Variants in NTN4 observed in about 807,000 individuals in gnomAD.
The protein encoded by NTN4 is netrin 4.
A neutral mutation model predicts 73.6 loss-of-function variants in NTN4; 32 were observed. The observed-to-expected ratio is 0.44, with a 90% CI of 0.33 to 0.58. NTN4 has a LOEUF of 0.58. NTN4 is among the 20% of genes least tolerant of loss of function. NTN4 has a pLI of 0.04. For missense variants in NTN4, 654 were observed against 798.3 expected, an observed-to-expected ratio of 0.82 and a Z score of 2.18; for synonymous variants, 258 against 287.5, an observed-to-expected ratio of 0.90 and a Z score of 1.04.
At chr12:95,684,315 T>G (rs955568711) in intron 5 of NTN4, among the ~76,000 whole-genome samples, 2 of 151,986 alleles carry the variant, frequency 1.3e-5, no homozygotes, top group African/African-American at 4.8e-5. Context: ...GCTTTTTTTT[T>G]TGAGAGAGGG....
At chr12:95,748,398 G>A (rs1250170010) in intron 2 of NTN4, among the ~76,000 whole-genome samples, 1 of 151,428 alleles carries the variant, frequency 6.6e-6, no homozygotes. Flanking sequence ...AACATTTAGG[G>A]AGAAATCCCT....
chr12:95,790,313 C>G lies in NTN4; in HGVS notation c.-4G>C, dbSNP rs777330830. On this transcript the variant is annotated 5_prime_UTR_variant, in exon 1 of 10. Transcript: ENST00000343702. The surrounding 1 kb of genome is among the most constrained non-coding windows in gnomAD (Gnocchi z 6.5). ...GCAGCCGCGCGCAGCTCCCCATGGC[C>G]GGGAGGAGCCGGGAGCAGCCGGGCC... 1 of 1,527,496 alleles carries G rather than the reference C, an allele frequency of 6.5e-7. No individual in the cohort carries two copies. The highest frequency in any genetic ancestry group is 2.2e-4 in the Middle Eastern group (1 of 4,570). 94.6% of individuals were successfully genotyped at this position (1,527,496 alleles called of 1,614,324 possible).
chr12:95,737,885 G>A lies in NTN4; in HGVS notation c.845C>T (p.Ala282Val). The A allele has an allele frequency of 1.9e-6, 3 of 1,612,910 alleles. No individual in the cohort carries two copies. The highest frequency in any genetic ancestry group is 2.7e-5 in the African/African-American group (2 of 75,024). The change falls in exon 3 of 10, where the codon GCC becomes GTC. Residue 282 changes from alanine to valine, a missense_variant. Physicochemically the swap from Ala to Val is moderately conservative, Grantham distance 64 (BLOSUM62 0). Transcript: ENST00000343702. ...IPVHGFRPVKAPGTFHMVHGK... is the reference protein window; with the variant it reads ...IPVHGFRPVKVPGTFHMVHGK... ...ACCTACCATGTGGAATGTTCCTGGG[G>A]CCTTGACAGGTCTGAAGCCATGAAC...
chr12:95,697,739 G>A (rs1198998952), intron 5 of NTN4, among the ~76,000 whole-genome samples: 2 of 151,114 alleles, frequency 1.3e-5, no homozygotes, highest in African/African-American at 4.9e-5. Flanking sequence ...CATTAACTGG[G>A]TCACGGTGTG....
At chr12:95,723,332 C>T (rs184390642) in intron 3 of NTN4, among the ~76,000 whole-genome samples, 5 of 152,008 alleles carry the variant, frequency 3.3e-5, no homozygotes, top group Admixed American at 3.3e-4. Flanking sequence ...GCAGCACACC[C>T]TCGCTAGGTT....
In NTN4 at chr12:95,665,881, A is replaced by C; in HGVS notation, c.1679T>G (p.Phe560Cys). 6.2e-7 allele frequency: 1 copy of C among 1,614,022 alleles called. No homozygotes were observed. The highest frequency in any genetic ancestry group is 8.5e-7 in the Non-Finnish European group (1 of 1,179,910). The change falls in exon 9 of 10, where the codon TTC becomes TGC. Residue 560 changes from phenylalanine to cysteine, a missense_variant. Coordinates refer to ENST00000343702, the MANE Select transcript of NTN4 (RefSeq NM_021229.4). ...TGGATATAATGTTCGCTTTCCTCGG[A>C]AAATCTTCAGTTTGGTAGATTTTAA... ...KVLKSTKLKI[F>C]RGKRTLYPES... is the part of the protein sequence containing the mutation.
chr12:95,732,621 A>C (rs12579021), intron 3 of NTN4, among the ~76,000 whole-genome samples: 3,490 of 151,528 alleles, frequency 0.023, 50 homozygotes, highest in Middle Eastern at 0.041. Flanking sequence ...CGGGCAGATC[A>C]CTCCTGACTT....
intron 5 of NTN4, among the ~76,000 whole-genome samples, chr12:95,707,210 G>A (rs954347349): frequency 6.6e-6 from 1 of 152,144 alleles, no homozygotes; most frequent in African/African-American, 2.4e-5. Flanking sequence ...TGAGCTTACA[G>A]TGGCTCATCA....
At chr12:95,674,824 ACT>A (rs773550957) in intron 7 of NTN4, among the ~76,000 whole-genome samples, 4 of 152,076 alleles carry the variant, frequency 2.6e-5, no homozygotes, top group Non-Finnish European at 4.4e-5. Context: ...AATTTCAGAG[ACT>A]CTCTGGGGAC....
intron 2 of NTN4, among the ~76,000 whole-genome samples, chr12:95,778,682 CA>C (rs951323486): frequency 1.3e-5 from 2 of 151,930 alleles, no homozygotes; most frequent in African/African-American, 4.8e-5. Context: ...GCTTACCAAC[CA>C]AAAAAAGTCC....
At chr12:95,695,211 CTCCTGAGTTTTTGTACA>C (rs1297712897) in intron 5 of NTN4, among the ~76,000 whole-genome samples, 1 of 151,918 alleles carries the variant, frequency 6.6e-6, no homozygotes, top group African/African-American at 2.4e-5. Flanking sequence ...AGTTCAGTGT[CTCCTGAGTTTTTGTACA>C]TCCTACCCAA....
rs564647161 is a variant in NTN4 at position 95,672,664 on chromosome 12, T to A, written c.1511-2518A>T. 65 of 1,485,100 alleles carry A rather than the reference T, an allele frequency of 4.4e-5. No individual in the cohort carries two copies. In the South Asian group the frequency reaches 6.7e-4, roughly 15 times the overall value. The allele number at this position is 1,485,100 out of a possible 1,614,324, so 92.0% of individuals were successfully genotyped here. A position where few individuals can be genotyped will look rare whatever the true frequency, so the allele number is the denominator to read the frequency against. On this transcript the variant is annotated intron_variant, in intron 7 of 9. Transcript: ENST00000343702. ...TGAAGATCTGGAGGTGCTCCTATGA[T>A]GTCCCACCACCCTGCTGGAGCCTGA...
intron 5 of NTN4, among the ~76,000 whole-genome samples, chr12:95,686,797 A>T (rs2078364485): frequency 6.6e-6 from 1 of 152,038 alleles, no homozygotes; most frequent in Non-Finnish European, 1.5e-5. Flanking sequence ...GAGGGCAAGG[A>T]AGGCAATTGC....
Position 95,662,689 on chromosome 12 carries a change from T to G in NTN4, c.1750+3121A>C, listed in dbSNP as rs1002132878. Among the ~76,000 whole-genome samples the G allele has an allele frequency of 2.6e-5, 4 of 152,320 alleles. No homozygotes were observed. The East Asian group carries it at 7.7e-4, about 29-fold the overall frequency. On this transcript the variant is annotated intron_variant, in intron 9 of 9. Coordinates refer to ENST00000343702, the MANE Select transcript of NTN4 (RefSeq NM_021229.4). ...GGCATTTAAATTATAAAAGGCAACC[T>G]TAACTTCTGCATGAAAAAGAATCTC...
rs71911993 is a variant in NTN4 at position 95,700,814 on chromosome 12, C to CTTT, written c.1180+9624_1180+9626dup. The stretch of plus-strand genomic sequence containing the variant: ...CCCTTTCTTTTTTCTTTCTTTCTTT[C>CTTT]TTTTTTTTTTTTTTTTTGAGACAGA... On this transcript the variant is annotated intron_variant, in intron 5 of 9. Coordinates refer to ENST00000343702, the MANE Select transcript of NTN4 (RefSeq NM_021229.4). Among the ~76,000 whole-genome samples, 859 of 107,492 alleles carry CTTT rather than the reference C, an allele frequency of 8.0e-3. 11 individuals carry two copies. Among genetic ancestry groups the CTTT allele is most frequent in the African/African-American group, 0.028 (804 of 28,302 alleles). 70.5% of individuals were successfully genotyped at this position (107,492 alleles called of 152,430 possible).
At chr12:95,733,711 G>A (rs73379035) in intron 3 of NTN4, among the ~76,000 whole-genome samples, 325 of 152,166 alleles carry the variant, frequency 2.1e-3, no homozygotes, top group African/African-American at 7.5e-3. Flanking sequence ...CTGAACTGGT[G>A]AGACTAAGTG....
chr12:95,734,837 C>T (rs1269876868), intron 3 of NTN4, among the ~76,000 whole-genome samples: 8 of 152,180 alleles, frequency 5.3e-5, no homozygotes, highest in African/African-American at 9.6e-5. Context: ...GTCAGGAGTT[C>T]GAGACCAGCC....
At chr12:95,661,064 A>G (rs1202742754) in intron 9 of NTN4, among the ~76,000 whole-genome samples, 2 of 152,252 alleles carry the variant, frequency 1.3e-5, no homozygotes, top group Non-Finnish European at 2.9e-5. Context: ...GTTGAGCACC[A>G]AGAAACATAA....
intron 4 of NTN4, among the ~76,000 whole-genome samples, chr12:95,710,972 C>G (rs1354118584): frequency 6.6e-6 from 1 of 152,128 alleles, no homozygotes; most frequent in Non-Finnish European, 1.5e-5. Flanking sequence ...CCACTGCACT[C>G]CAGCCTCTGT....
Sources: allele counts gnomAD v4.1 joint callset (sites outside exome capture counted in the v4.1 genomes callset), GRCh38; gene constraint gnomAD v4.1.1; non-coding constraint Gnocchi (gnomAD v3.1); transcripts MANE v1.5; gene names NCBI Gene and HGNC (gene_info 2026-07-23, HGNC 2026-07-21).